The following OBSL1 variants were observed in gnomAD, a reference collection of about 807,000 sequenced individuals.
OBSL1 encodes obscurin-like protein 1.
A neutral mutation model predicts 172.0 loss-of-function variants in OBSL1; 160 were observed. The observed-to-expected ratio is 0.93, with a 90% CI of 0.82 to 1.06. OBSL1 has a LOEUF of 1.06. Ranked by LOEUF, OBSL1 falls within the 50% of genes least tolerant of loss-of-function variation. The probability of loss-of-function intolerance (pLI) is 0.00; values close to 1 mark genes in which losing one functional copy is unlikely to be tolerated. For missense variants in OBSL1, 2,681 were observed against 2,715.4 expected, an observed-to-expected ratio of 0.99 and a Z score of 0.28; for synonymous variants, 1,200 against 1,196.3, an observed-to-expected ratio of 1.00 and a Z score of -0.06.
chr2:219,555,611 A>T, intron 14 of OBSL1: 1 of 1,013,030 alleles, frequency 9.9e-7, no homozygotes, highest in Non-Finnish European at 1.2e-6. Flanking sequence ...CTTGGCTCAA[A>T]GAGGTTAACT....
rs764375691 is a variant in OBSL1, at chr2:219,557,899, G to A, written c.3714C>T (p.Ala1238=). 1 of 1,602,830 alleles carries A rather than the reference G, an allele frequency of 6.2e-7. No homozygotes were observed. Among genetic ancestry groups the A allele is most frequent in the South Asian group, 1.1e-5 (1 of 91,072 alleles). ...ACTGGCAGGTGTAGAGCCCTGCATG[G>A]GCTGGGCCTGCAGCCTGGATGCAGA... ...RVLCIQAAGP[A]HAGLYTCQSG... is the part of the protein sequence containing the mutation. Residue 1238 remains alanine, a synonymous_variant, in exon 11 of 21, where the codon GCC becomes GCT. Coordinates refer to ENST00000404537, the MANE Select transcript of OBSL1 (RefSeq NM_015311.3).
Position 219,552,220 on chromosome 2 carries a change from G to C in OBSL1, c.5309-4C>G, listed in dbSNP as rs34490902. 0.45 allele frequency: 723,023 copies of C among 1,591,508 alleles called. 167,572 individuals are homozygous for C. The highest frequency in any genetic ancestry group is 0.52 in the Admixed American group (29,657 of 56,608). On this transcript the variant is annotated splice_region_variant and splice_polypyrimidine_tract_variant and intron_variant, in intron 18 of 20. Coordinates refer to ENST00000404537, the MANE Select transcript of OBSL1 (RefSeq NM_015311.3). ...AGCACCAGAATGTGTTTCTTCCCTG[G>C]GGGTGAGGGGGTCGCTAGCGAGGCC...
Position 219,566,968 on chromosome 2 carries a change from C to G in OBSL1, c.1996G>C (p.Gly666Arg), listed in dbSNP as rs1559152571. ...SNEPEGQVEPGALRYRIEQKG... is the reference protein window; with the variant it reads ...SNEPEGQVEPRALRYRIEQKG... ...TGCTCTATACGGTACCGCAGGGCCC[C>G]AGGTTCCACCTGGCCCTCCGGCTCG... Residue 666 changes from glycine to arginine, a missense_variant, in exon 5 of 21, where the codon GGG (glycine) becomes CGG (arginine). Gly to Arg is a moderately radical substitution (Grantham distance 125). Transcript: ENST00000404537. The G allele has an allele frequency of 6.8e-6, 11 of 1,613,814 alleles. No individual in the cohort carries two copies. Among genetic ancestry groups the G allele is most frequent in the Non-Finnish European group, 8.5e-6 (10 of 1,179,892 alleles).
At chr2:219,569,273 A>T (rs1295357828) in intron 1 of OBSL1, 1 of 152,142 alleles carries the variant, frequency 6.6e-6, no homozygotes, top group Non-Finnish European at 1.5e-5. Flanking sequence ...ATTGAACTGT[A>T]ACAGTGAGGC....
Position 219,557,501 on chromosome 2 carries a change from T to TAC in OBSL1, c.3906_3907dup (p.Tyr1303CysfsTer59). 1 of 1,553,466 alleles carries TAC rather than the reference T, an allele frequency of 6.4e-7. No homozygotes were observed. The highest frequency in any genetic ancestry group is 1.2e-5 in the South Asian group (1 of 84,258). On this transcript the variant is annotated frameshift_variant, in exon 12 of 21. Coordinates refer to ENST00000404537, the MANE Select transcript of OBSL1 (RefSeq NM_015311.3). LOFTEE classifies it high-confidence loss of function. ...GCTTGCCAGTCGCTCCCCGTCCTTGTACCAGCGTACAGGGCCCCCTGGCCC... is the reference window on the plus strand; with the variant it reads ...GCTTGCCAGTCGCTCCCCGTCCTTGTACACCAGCGTACAGGGCCCCCTGGCCC...
At chr2:219,563,750 G>T in intron 6 of OBSL1, 123 bp from the exon 7 acceptor site, 2 of 1,061,432 alleles carry the variant, frequency 1.9e-6, no homozygotes, top group South Asian at 1.5e-5. Context: ...AGGTCCTGCT[G>T]TGTAGGGACT....
At chr2:219,560,854 T>G (rs891174891) in intron 8 of OBSL1, among the ~76,000 whole-genome samples, 1 of 151,902 alleles carries the variant, frequency 6.6e-6, no homozygotes, top group Non-Finnish European at 1.5e-5. Flanking sequence ...GGCAGTGGGG[T>G]GAGGACAGGG....
At chr2:219,558,872 T>C (rs1696244233) in intron 9 of OBSL1, among the ~76,000 whole-genome samples, 1 of 152,144 alleles carries the variant, frequency 6.6e-6, no homozygotes, top group South Asian at 2.1e-4. Flanking sequence ...CCATCTCTTT[T>C]ATTTTTTGTC....
chr2:219,554,289 G>A, intron 15 of OBSL1, 185 bp downstream of exon 15: 1 of 708,982 alleles, frequency 1.4e-6, no homozygotes, highest in Admixed American at 2.7e-5. Context: ...CACCCAGGCA[G>A]AGGACTCTGG....
chr2:219,551,487 G>T, intron 20 of OBSL1, 42 bp downstream of exon 20: 1 of 1,532,052 alleles, frequency 6.5e-7, no homozygotes, highest in South Asian at 1.2e-5. Flanking sequence ...CAGCTCCCAG[G>T]CGCCCTCACC....
chr2:219,551,326 G>A (rs977980876), intron 20 of OBSL1: 2 of 1,411,012 alleles, frequency 1.4e-6, no homozygotes, highest in African/African-American at 2.9e-5. Context: ...CAGCTGACCA[G>A]GAGCAGCTGA....
chr2:219,556,370 T>C, intron 13 of OBSL1, 78 bp from the exon 14 acceptor site: 1 of 1,584,970 alleles, frequency 6.3e-7, no homozygotes, highest in Non-Finnish European at 8.6e-7. Flanking sequence ...GGTCTGTCCC[T>C]AGGTGGAGAG....
intron 8 of OBSL1, among the ~76,000 whole-genome samples, chr2:219,560,759 G>A (rs58067519): frequency 0.21 from 31,703 of 152,190 alleles, 3,820 homozygotes; most frequent in East Asian, 0.28. Flanking sequence ...CTAAGGGTCT[G>A]GGGGATGCAG....
chr2:219,570,835 C>T lies in OBSL1; in HGVS notation c.398G>A (p.Gly133Glu), dbSNP rs1407916270. ...CCGCAGCACCCACTGGGATCGAGGC[C>T]CCGTGAGGAAGACCGGGGCGCCCTC... ...SGEGAPVFLT[G>E]PRSQWVLRGA... Residue 133 changes from glycine to glutamate, a missense_variant, in exon 1 of 21, where the codon GGG becomes GAG. Physicochemically the swap from Gly to Glu is moderately conservative, Grantham distance 98. Around this residue, in one of 5 missense-constraint regions of OBSL1, gnomAD observed 706 missense variants for 695.8 expected, o/e 1.01. Coordinates refer to ENST00000404537, the MANE Select transcript of OBSL1 (RefSeq NM_015311.3). 6.9e-7 allele frequency: 1 copy of T among 1,456,850 alleles called. No homozygotes were observed. The highest frequency in any genetic ancestry group is 9.0e-7 in the Non-Finnish European group (1 of 1,108,118). The allele number at this position is 1,456,850 out of a possible 1,614,324, so 90.2% of individuals were successfully genotyped here. A position where few individuals can be genotyped will look rare whatever the true frequency, so the allele number is the denominator to read the frequency against.
At position 219,552,448 on chromosome 2, in the gene OBSL1, A is replaced by AGGGGCGGGGCTTGTCCCGGT; in HGVS notation, c.5308+68_5308+87dup. 4 of 1,305,060 alleles carry AGGGGCGGGGCTTGTCCCGGT rather than the reference A, an allele frequency of 3.1e-6. No individual in the cohort carries two copies. The South Asian group carries it at 4.3e-5, about 14-fold the overall frequency. The allele number at this position is 1,305,060 out of a possible 1,614,324, so 80.8% of individuals were successfully genotyped here. ...CCGTGGGGCGGGGCCCGTCGGAGCC[A>AGGGGCGGGGCTTGTCCCGGT]GGGGCGGGGCTTGTCCCGGTGGGGC... On this transcript the variant is annotated intron_variant, in intron 18 of 20. Coordinates refer to ENST00000404537, the MANE Select transcript of OBSL1 (RefSeq NM_015311.3).
At chr2:219,552,374 G>T in intron 18 of OBSL1, 158 bp from the exon 19 acceptor site, 1 of 872,218 alleles carries the variant, frequency 1.1e-6, no homozygotes, top group Non-Finnish European at 1.8e-6. Flanking sequence ...TAGAGGTCCG[G>T]GACTAGGGGC....
chr2:219,551,392 T>C, intron 20 of OBSL1, 137 bp downstream of exon 20: 1 of 1,075,566 alleles, frequency 9.3e-7, no homozygotes, highest in East Asian at 3.4e-5. Context: ...ACCCCTCCCC[T>C]CCCCCATCCC....
rs752338901 is a variant in OBSL1 at position 219,556,548 on chromosome 2, G to A, written c.4242C>T (p.Arg1414=). 2.5e-6 allele frequency: 4 copies of A among 1,613,974 alleles called. No individual in the cohort carries two copies. Among genetic ancestry groups the A allele is most frequent in the South Asian group, 1.1e-5 (1 of 91,076 alleles). The change falls in exon 13 of 21, where the codon CGC becomes CGT. Residue 1414 remains arginine (R), a synonymous_variant. Coordinates refer to ENST00000404537, the MANE Select transcript of OBSL1 (RefSeq NM_015311.3). ...QVEMAQNGSS[R]ILTLRGCQLG... is the part of the protein sequence containing the mutation. ...GTTGGCAGCCTCGCAAGGTTAAGAT[G>A]CGGCTTGAACCATTCTGGGCCATCT...
At chr2:219,558,641 G>A (rs74754283) in intron 9 of OBSL1, among the ~76,000 whole-genome samples, 182 bp from the exon 10 acceptor site, 4,135 of 152,314 alleles carry the variant, frequency 0.027, 82 homozygotes, top group Non-Finnish European at 0.043. Flanking sequence ...TTTTCAATCA[G>A]TTACTCTGAC....
Sources: gnomAD v4.1 joint callset for allele counts (sites outside exome capture counted in the v4.1 genomes callset) on GRCh38, gnomAD v4.1.1 for gene constraint, gnomAD v4.1.1 regional missense constraint, MANE v1.5 for transcripts, NCBI Gene and HGNC (gene_info 2026-07-23, HGNC 2026-07-21) for gene names.